The following IKBKE variants were observed in gnomAD, a reference collection of about 807,000 sequenced individuals.
The protein encoded by IKBKE is inhibitor of nuclear factor kappa-B kinase subunit epsilon.
Under a neutral mutation model 92.1 loss-of-function variants are expected in IKBKE, and 45 were observed. The ratio of observed to expected loss-of-function variants is 0.49; its 90% confidence interval spans 0.38 to 0.63. IKBKE has a LOEUF of 0.63. Ranked by LOEUF, IKBKE falls within the 20% of genes least tolerant of loss-of-function variation. IKBKE has a pLI of 0.00. For missense variants in IKBKE, 700 were observed against 932.8 expected, an observed-to-expected ratio of 0.75 and a Z score of 3.25; for synonymous variants, 374 against 380.3, an observed-to-expected ratio of 0.98 and a Z score of 0.19.
chr1:206,476,436 A>C lies in IKBKE; in HGVS notation c.540+74A>C. On this transcript the variant is annotated intron_variant, in intron 6 of 21. Transcript: ENST00000581977. The surrounding 1 kb of genome is among the most constrained non-coding windows in gnomAD (Gnocchi z 5.1). Reference sequence around the variant, plus strand: ...GCCTTGTGAGCCCCCCAGAGCCCCCATGAGGGGGTGTGGCCCACCTCCTGC... The same window carrying C: ...GCCTTGTGAGCCCCCCAGAGCCCCCCTGAGGGGGTGTGGCCCACCTCCTGC... The C allele has an allele frequency of 6.8e-7, 1 of 1,471,740 alleles. No individual in the cohort carries two copies. The highest frequency in any genetic ancestry group is 9.3e-7 in the Non-Finnish European group (1 of 1,073,848). The allele number at this position is 1,471,740 out of a possible 1,614,324, so 91.2% of individuals were successfully genotyped here. A position where few individuals can be genotyped will look rare whatever the true frequency, so the allele number is the denominator to read the frequency against.
chr1:206,472,370 A>T (rs1400188958), intron 2 of IKBKE, among the ~76,000 whole-genome samples: 1 of 152,200 alleles, frequency 6.6e-6, no homozygotes, highest in African/African-American at 2.4e-5. Context: ...AGAGAAATTG[A>T]GTTTAACTTC....
intron 16 of IKBKE, 77 bp downstream of exon 16, chr1:206,488,067 CT>C: frequency 2.6e-5 from 29 of 1,096,010 alleles, no homozygotes; most frequent in Non-Finnish European, 3.7e-5. Flanking sequence ...TTCACTGGTG[CT>C]ACCAGTGGCC....
chr1:206,483,562 T>A (rs1665508650), intron 13 of IKBKE, among the ~76,000 whole-genome samples: 1 of 152,220 alleles, frequency 6.6e-6, no homozygotes, highest in Non-Finnish European at 1.5e-5. Context: ...TCCCCTCTCC[T>A]TCCCTGCTCC....
intron 5 of IKBKE, 41 bp downstream of exon 5, chr1:206,475,035 G>A (rs1059704): frequency 0.66 from 1,060,133 of 1,607,262 alleles, 355,973 homozygotes; most frequent in Non-Finnish European, 0.69. Flanking sequence ...TCAGACCAGC[G>A]GCAGGCCTGG....
intron 17 of IKBKE, 124 bp from the exon 18 acceptor site, chr1:206,491,524 G>A (rs1553390338): frequency 1.2e-5 from 8 of 666,670 alleles, no homozygotes; most frequent in Admixed American, 6.4e-5. Context: ...TAGCCCTGCT[G>A]TGGACGCAGG....
chr1:206,476,806 C>T lies in IKBKE; in HGVS notation c.669C>T (p.Pro223=). 1 of 1,614,232 alleles carries T rather than the reference C, an allele frequency of 6.2e-7. No homozygotes were observed. The highest frequency in any genetic ancestry group is 1.3e-5 in the African/African-American group (1 of 75,064). The change falls in exon 7 of 22, where the codon CCC becomes CCT. Residue 223 remains proline (P), a synonymous_variant. Coordinates refer to ENST00000581977, the MANE Select transcript of IKBKE (RefSeq NM_014002.4). This position sits in a 1 kb window ranked among gnomAD's most constrained non-coding sequence, Gnocchi z 5.1. ...CCACTGGCAGCCTGCCCTTCATCCC[C>T]TTTGGTGGGCCACGGCGGAACAAGG... The part of the protein sequence containing the change: ...HAATGSLPFI[P]FGGPRRNKEI...
Position 206,480,023 on chromosome 1 carries a change from G to C in IKBKE, c.1250G>C (p.Gly417Ala). 6.2e-7 allele frequency: 1 copy of C among 1,609,668 alleles called. No homozygotes were observed. The highest frequency in any genetic ancestry group is 8.5e-7 in the Non-Finnish European group (1 of 1,178,260). The change falls in exon 12 of 22, where the codon GGC becomes GCC. Residue 417 changes from glycine (G) to alanine (A), a missense_variant and splice_region_variant. Transcript: ENST00000581977. ...GCCCTGTGCATCTCTGTGTTTCAGG[G>C]CGTGTTGGGCGCCGGCTACCAGGCC... Reference protein sequence around the residue: ...DLQADYNTAKGVLGAGYQALR... With the variant: ...DLQADYNTAKAVLGAGYQALR...
chr1:206,475,174 A>G, intron 5 of IKBKE, 180 bp downstream of exon 5: 1 of 620,280 alleles, frequency 1.6e-6, no homozygotes, highest in Non-Finnish European at 2.7e-6. Context: ...AATAGCCAAA[A>G]GGTGGAAACA....
chr1:206,473,960 CAAAAAAAAAAAA>C (rs58205740), intron 3 of IKBKE, among the ~76,000 whole-genome samples: 6 of 62,234 alleles, frequency 9.6e-5, no homozygotes, highest in African/African-American at 3.4e-4. Flanking sequence ...GGCTCCGTCT[CAAAAAAAAAAAA>C]AAAAAAAAAA....
rs41299027 is a variant in IKBKE, at chr1:206,487,078, C to T, written c.1617-836C>T. ...TCATCTTCCACCCTCATGTTCCTGG[C>T]GGGGCAGGCTCCTTCGGCTGGCAGA... On this transcript the variant is annotated intron_variant, in intron 15 of 21. Transcript: ENST00000581977. The surrounding 1 kb of genome is among the most constrained non-coding windows in gnomAD (Gnocchi z 5.3). Among the ~76,000 whole-genome samples the T allele has an allele frequency of 8.4e-3, 1,285 of 152,312 alleles. 11 individuals carry two copies. Among genetic ancestry groups the T allele is most frequent in the African/African-American group, 0.029 (1,211 of 41,566 alleles).
rs58205740 is a variant in IKBKE, at chr1:206,473,960, CAAA to C, written c.88-349_88-347del. On this transcript the variant is annotated intron_variant, in intron 3 of 21. Coordinates refer to ENST00000581977, the MANE Select transcript of IKBKE (RefSeq NM_014002.4). ...TGGGTGACAGAGCGAGGCTCCGTCTCAAAAAAAAAAAAAAAAAAAAAAAAGAAT... is the reference window on the plus strand; with the variant it reads ...TGGGTGACAGAGCGAGGCTCCGTCTCAAAAAAAAAAAAAAAAAAAAAGAAT... 3.2e-3 allele frequency among the ~76,000 whole-genome samples: 200 copies of C among 62,208 alleles called. 2 individuals carry two copies. Among genetic ancestry groups the C allele is most frequent in the Middle Eastern group, 0.023 (2 of 88 alleles). 40.8% of individuals were successfully genotyped at this position (62,208 alleles called of 152,430 possible). A position where few individuals can be genotyped will look rare whatever the true frequency, so the allele number is the denominator to read the frequency against.
chr1:206,489,333 A>G (rs1665815904), intron 16 of IKBKE, among the ~76,000 whole-genome samples: 1 of 138,152 alleles, frequency 7.2e-6, no homozygotes, highest in South Asian at 2.3e-4. Flanking sequence ...TAAATTTTAT[A>G]TATGTGTGTA....
intron 18 of IKBKE, 154 bp downstream of exon 18, chr1:206,491,903 G>GGA: frequency 1.7e-6 from 1 of 577,844 alleles, no homozygotes; most frequent in Non-Finnish European, 3.1e-6. Context: ...GGTGGACCAG[G>GGA]CAGTTGGCTG....
intron 4 of IKBKE, 21 bp downstream of exon 4, chr1:206,474,492 G>C (rs1664948692): frequency 6.2e-7 from 1 of 1,605,052 alleles, no homozygotes; most frequent in African/African-American, 1.3e-5. Flanking sequence ...TGCTTGGTCA[G>C]AGAATGGTCT....
chr1:206,489,367 GTGTATATATATA>G (rs1475457508), intron 16 of IKBKE, among the ~76,000 whole-genome samples: 141 of 51,378 alleles, frequency 2.7e-3, no homozygotes, highest in East Asian at 4.6e-3. Flanking sequence ...GTGTGTGTGT[GTGTATATATATA>G]TATATATATA....
At chr1:206,482,245 G>A (rs577275096) in intron 13 of IKBKE, among the ~76,000 whole-genome samples, 21 of 152,286 alleles carry the variant, frequency 1.4e-4, no homozygotes, top group Non-Finnish European at 2.6e-4. Flanking sequence ...AGCCAGAGGC[G>A]GACAGAGGTG....
intron 5 of IKBKE, among the ~76,000 whole-genome samples, chr1:206,475,787 G>A (rs1355399035): frequency 6.6e-6 from 1 of 151,358 alleles, no homozygotes; most frequent in Non-Finnish European, 1.5e-5. Context: ...GATGGATGGT[G>A]TGATGGTGGC....
chr1:206,472,942 G>A (rs952542562), intron 2 of IKBKE: 1 of 435,162 alleles, frequency 2.3e-6, no homozygotes, highest in African/African-American at 2.1e-5. Context: ...TGGGGAGCCA[G>A]GACAGGCAGC....
At chr1:206,484,629 G>T (rs1425745334) in intron 13 of IKBKE, among the ~76,000 whole-genome samples, 1 of 152,298 alleles carries the variant, frequency 6.6e-6, no homozygotes, top group African/African-American at 2.4e-5. Flanking sequence ...AAAGCTATTG[G>T]TTATCAAGAA....
Sources: allele counts gnomAD v4.1 joint callset (sites outside exome capture counted in the v4.1 genomes callset), GRCh38; gene constraint gnomAD v4.1.1; non-coding constraint Gnocchi (gnomAD v3.1); transcripts MANE v1.5; gene names NCBI Gene and HGNC (gene_info 2026-07-23, HGNC 2026-07-21).